The following CYP46A1 variants were observed in gnomAD, a reference collection of about 807,000 sequenced individuals.
CYP46A1 encodes cytochrome P450 family 46 subfamily A member 1, also known as cholesterol 24-hydroxylase.
In CYP46A1, 20 loss-of-function variants were observed where a neutral mutation model predicts 63.3. The ratio of observed to expected loss-of-function variants is 0.32; its 90% confidence interval spans 0.22 to 0.46. The LOEUF (loss-of-function observed/expected upper bound fraction) is 0.46, where lower values mean the gene tolerates loss of function less well. CYP46A1 is among the 20% of genes least tolerant of loss of function. The pLI, the probability that CYP46A1 is intolerant of heterozygous loss-of-function variation, is 1.00. For synonymous variants in CYP46A1, 268 were observed against 273.6 expected (o/e 0.98, Z 0.20); for missense variants, 445 against 670.8 (o/e 0.66, Z 3.72).
At chr14:99,700,175 T>G in intron 5 of CYP46A1, 74 bp downstream of exon 5, 1 of 1,227,708 alleles carries the variant, frequency 8.1e-7, no homozygotes, top group Non-Finnish European at 1.1e-6. Context: ...TAGGTGGGCC[T>G]TGGGGAGGGA....
Position 99,725,312 on chromosome 14 carries a change from T to C in CYP46A1, c.1177-79T>C. ...GGACCCACTCTGCTCTGAGTAGCCC[T>C]GTTGGGTGGCCTCAGTGGCTCAAGA... On this transcript the variant is annotated intron_variant, in intron 12 of 14. Coordinates refer to ENST00000261835, the MANE Select transcript of CYP46A1 (RefSeq NM_006668.2). This position sits in a 1 kb window ranked among gnomAD's most constrained non-coding sequence, Gnocchi z 4.2. 1.8e-6 allele frequency: 2 copies of C among 1,119,018 alleles called. No individual in the cohort carries two copies. The highest frequency in any genetic ancestry group is 1.3e-5 in the South Asian group (1 of 77,736). 69.3% of individuals were successfully genotyped at this position (1,119,018 alleles called of 1,614,324 possible).
intron 1 of CYP46A1, among the ~76,000 whole-genome samples, chr14:99,686,670 TGTA>T (rs2056497103): frequency 6.6e-6 from 1 of 152,242 alleles, no homozygotes; most frequent in Non-Finnish European, 1.5e-5. Flanking sequence ...TGTAGTAGCA[TGTA>T]TCCTTATTGC....
At chr14:99,693,895 A>G (rs1478927246) in intron 3 of CYP46A1, among the ~76,000 whole-genome samples, 1 of 152,178 alleles carries the variant, frequency 6.6e-6, no homozygotes, top group Non-Finnish European at 1.5e-5. Context: ...AGACATTCAC[A>G]TTGTTGTACA....
intron 9 of CYP46A1, among the ~76,000 whole-genome samples, chr14:99,717,040 C>T (rs576393786): frequency 4.3e-4 from 66 of 152,210 alleles, no homozygotes; most frequent in Non-Finnish European, 8.1e-4. Flanking sequence ...AGATTAGAAG[C>T]GGCCAGTGTT....
At chr14:99,717,255 C>G (rs1192878468) in intron 9 of CYP46A1, among the ~76,000 whole-genome samples, 1 of 152,162 alleles carries the variant, frequency 6.6e-6, no homozygotes, top group East Asian at 1.9e-4. Context: ...GTTTATTAAT[C>G]CCGTCTCGTC....
intron 7 of CYP46A1, chr14:99,711,710 A>C (rs1315336663): frequency 6.6e-6 from 1 of 152,132 alleles, no homozygotes; most frequent in Non-Finnish European, 1.5e-5. Flanking sequence ...ATGAAGAAGA[A>C]CACCAATTCT....
chr14:99,714,191 G>A (rs921666641), intron 7 of CYP46A1, among the ~76,000 whole-genome samples: 1 of 152,184 alleles, frequency 6.6e-6, no homozygotes, highest in Non-Finnish European at 1.5e-5. Context: ...ATCCCAGTTA[G>A]AATGGCTATT....
Position 99,684,378 on chromosome 14 carries a change from C to T in CYP46A1, c.-40C>T. 2.4e-6 allele frequency: 3 copies of T among 1,250,458 alleles called. No homozygotes were observed. The highest frequency in any genetic ancestry group is 3.0e-6 in the Non-Finnish European group (3 of 991,612). 77.5% of individuals were successfully genotyped at this position (1,250,458 alleles called of 1,614,324 possible). A position where few individuals can be genotyped will look rare whatever the true frequency, so the allele number is the denominator to read the frequency against. On this transcript the variant is annotated 5_prime_UTR_variant, in exon 1 of 15. Coordinates refer to ENST00000261835, the MANE Select transcript of CYP46A1 (RefSeq NM_006668.2). ...TCGCGGCCTCCCGGCCCCCTCGGCG[C>T]CCGGCCCGACCCTGGCCTGGCCTGC...
intron 3 of CYP46A1, among the ~76,000 whole-genome samples, chr14:99,692,857 A>C (rs1216418627): frequency 6.6e-6 from 1 of 152,010 alleles, no homozygotes; most frequent in African/African-American, 2.4e-5. Context: ...AAGAAGTGAA[A>C]TGAGGGAACC....
chr14:99,699,966 C>CGGGGGGGGGGGGGGGGGGG, intron 4 of CYP46A1, 49 bp from the exon 5 acceptor site: 1 of 698,230 alleles, frequency 1.4e-6, no homozygotes, highest in Admixed American at 2.6e-5. Context: ...CAAGCAGTCG[C>CGGGGGGGGGGGGGGGGGGG]TCCCCACCCC....
chr14:99,689,263 C>G (rs962201686), intron 1 of CYP46A1, among the ~76,000 whole-genome samples: 1 of 152,194 alleles, frequency 6.6e-6, no homozygotes, highest in South Asian at 2.1e-4. Flanking sequence ...CCCCCCAAAG[C>G]TGATCCTGAG....
chr14:99,685,184 T>G (rs1439118902), intron 1 of CYP46A1, among the ~76,000 whole-genome samples: 1 of 149,614 alleles, frequency 6.7e-6, no homozygotes, highest in African/African-American at 2.5e-5. Flanking sequence ...CTAAATGCAG[T>G]TCTAAATTAA....
intron 10 of CYP46A1, among the ~76,000 whole-genome samples, chr14:99,719,858 T>C (rs945072697): frequency 2.0e-5 from 3 of 151,324 alleles, no homozygotes; most frequent in African/African-American, 7.3e-5. Context: ...ACCTCCCGGG[T>C]TCACGCCATT....
At chr14:99,708,621 G>A (rs1425887285) in intron 7 of CYP46A1, 8 of 159,288 alleles carry the variant, frequency 5.0e-5, no homozygotes, top group South Asian at 1.6e-4. Context: ...CATCATCCAC[G>A]GGCCTGAGGA....
intron 10 of CYP46A1, among the ~76,000 whole-genome samples, chr14:99,719,620 T>G (rs1049170104): frequency 6.6e-6 from 1 of 152,122 alleles, no homozygotes; most frequent in Admixed American, 6.5e-5. Context: ...CTCTGTGTGT[T>G]TGTCTATTCT....
intron 3 of CYP46A1, 106 bp from the exon 4 acceptor site, chr14:99,699,360 C>A: frequency 9.5e-7 from 1 of 1,049,136 alleles, no homozygotes; most frequent in Non-Finnish European, 1.5e-6. Flanking sequence ...GGGCACACTG[C>A]GGCTGAGACT....
chr14:99,726,366 G>A (rs1486155306), intron 14 of CYP46A1, 110 bp downstream of exon 14: 1 of 1,315,218 alleles, frequency 7.6e-7, no homozygotes, highest in Non-Finnish European at 1.0e-6. Flanking sequence ...TGGGCTGTGG[G>A]CTCGGGACCC....
Position 99,725,382 on chromosome 14 carries a change from T to C in CYP46A1, c.1177-9T>C. ...GGGAACCAGAGATGAGCGGACCCTT[T>C]GCCCGCAGTTCAGCACCTATGTCAT... On this transcript the variant is annotated splice_polypyrimidine_tract_variant and intron_variant, in intron 12 of 14. Transcript: ENST00000261835. This position sits in a 1 kb window ranked among gnomAD's most constrained non-coding sequence, Gnocchi z 4.2. The C allele has an allele frequency of 6.2e-7, 1 of 1,612,858 alleles. No homozygotes were observed.
intron 4 of CYP46A1, 51 bp from the exon 5 acceptor site, chr14:99,699,964 C>CGGGGGGGGGGGGGGGGGGGGGGGGGG: frequency 1.4e-5 from 11 of 773,852 alleles, no homozygotes; most frequent in East Asian, 2.9e-5. Context: ...ATCAAGCAGT[C>CGGGGGGGGGGGGGGGGGGGGGGGGGG]GCTCCCCACC....
Sources: allele counts gnomAD v4.1 joint callset (sites outside exome capture counted in the v4.1 genomes callset), GRCh38; gene constraint gnomAD v4.1.1; non-coding constraint Gnocchi (gnomAD v3.1); transcripts MANE v1.5; gene names NCBI Gene and HGNC (gene_info 2026-07-23, HGNC 2026-07-21).